Variants in DENND4C observed in about 807,000 individuals in gnomAD.
DENND4C encodes DENN domain containing 4C.
Under a neutral mutation model 203.0 loss-of-function variants are expected in DENND4C, and 108 were observed. The ratio of observed to expected loss-of-function variants is 0.53; its 90% CI spans 0.46 to 0.62. The LOEUF is 0.62. Ranked by LOEUF, DENND4C falls within the 20% of genes least tolerant of loss-of-function variation. The pLI, the probability that DENND4C is intolerant of heterozygous loss-of-function variation, is 0.00. For synonymous variants in DENND4C, 871 were observed against 792.4 expected (o/e 1.10, Z -1.67); for missense variants, 2,481 against 2,301.2 (o/e 1.08, Z -1.60).
In DENND4C at chr9:19,230,740, G is replaced by C. The variant is rs924659769; in HGVS notation, c.-111G>C. 26 of 152,300 alleles carry C rather than the reference G, an allele frequency of 1.7e-4. No individual in the cohort carries two copies. Among genetic ancestry groups the C allele is most frequent in the African/African-American group, 5.8e-4 (24 of 41,450 alleles). 9.4% of individuals were successfully genotyped at this position (152,300 alleles called of 1,614,324 possible). A position where few individuals can be genotyped will look rare whatever the true frequency, so the allele number is the denominator to read the frequency against. ...GCCGCTGGAGCTAGTCCCCCGCCCT[G>C]CCCTGCCGAGCGCGCCCAGTCCGCG... On this transcript the variant is annotated 5_prime_UTR_variant, in exon 1 of 33. Coordinates refer to ENST00000434457, the MANE Select transcript of DENND4C (RefSeq NM_001330640.2).
At chr9:19,270,156 G>A (rs905755210) in intron 1 of DENND4C, among the ~76,000 whole-genome samples, 13 of 152,154 alleles carry the variant, frequency 8.5e-5, no homozygotes, top group African/African-American at 3.1e-4. Flanking sequence ...GAGTTGAGGG[G>A]AGGAGTGACA....
intron 1 of DENND4C, among the ~76,000 whole-genome samples, chr9:19,254,641 T>C (rs1479131198): frequency 1.3e-5 from 2 of 152,130 alleles, no homozygotes; most frequent in African/African-American, 4.8e-5. Context: ...CTATAGTTGA[T>C]TATACTGTAT....
At position 19,350,824 on chromosome 9, in the gene DENND4C, A is replaced by G. The variant is rs752118932; in HGVS notation, c.4440A>G (p.Thr1480=). The G allele has an allele frequency of 6.2e-7, 1 of 1,614,134 alleles. No individual in the cohort carries two copies. The highest frequency in any genetic ancestry group is 8.5e-7 in the Non-Finnish European group (1 of 1,180,020). ...CCAGTGAACTTACCCAGAGCAACAC[A>G]AGTCTTGGCAGTAGCAGCAGTAGTG... is the stretch of plus-strand genomic sequence containing the variant. The part of the protein sequence containing the change: ...LVPSELTQSN[T]SLGSSSSSGD... Residue 1480 remains threonine, a synonymous_variant, in exon 24 of 33, where the codon ACA becomes ACG. Coordinates refer to ENST00000434457, the MANE Select transcript of DENND4C (RefSeq NM_001330640.2).
chr9:19,268,390 G>A lies in DENND4C; in HGVS notation c.-17-7768G>A, dbSNP rs561887640. On this transcript the variant is annotated intron_variant, in intron 1 of 32. Transcript: ENST00000434457. ...TCTGGGAATACAGGCGTGAGCCACCGCACCTGGTTGTAGTTATTATTTTTG... is the reference window on the plus strand; with the variant it reads ...TCTGGGAATACAGGCGTGAGCCACCACACCTGGTTGTAGTTATTATTTTTG... Among the ~76,000 whole-genome samples, 12 of 152,210 alleles carry A rather than the reference G, an allele frequency of 7.9e-5. No homozygotes were observed. In the East Asian group the frequency reaches 2.1e-3, roughly 27 times the overall value.
At chr9:19,350,342 A>G (rs1588969543) in intron 23 of DENND4C, among the ~76,000 whole-genome samples, 3 of 152,240 alleles carry the variant, frequency 2.0e-5, no homozygotes, top group Non-Finnish European at 2.9e-5. Flanking sequence ...CAAGGTCACA[A>G]TCTGGCTGTC....
At chr9:19,286,563 G>A (rs559605213) in intron 2 of DENND4C, among the ~76,000 whole-genome samples, 4 of 152,184 alleles carry the variant, frequency 2.6e-5, no homozygotes, top group African/African-American at 7.2e-5. Flanking sequence ...TTGAAAAATA[G>A]TTTAGAGACT....
At chr9:19,336,205 A>G (rs557264036) in intron 18 of DENND4C, 65 bp from the exon 19 acceptor site, 79 of 1,434,344 alleles carry the variant, frequency 5.5e-5, no homozygotes, top group African/African-American at 3.4e-4. Context: ...ACACACATAT[A>G]TGTATGTATT....
chr9:19,319,379 T>TATATATATACATATATATACACAC (rs1366607176), intron 12 of DENND4C, among the ~76,000 whole-genome samples: 1 of 105,834 alleles, frequency 9.4e-6, no homozygotes, highest in African/African-American at 4.4e-5. Flanking sequence ...TATATACACA[T>TATATATATACATATATATACACAC]ACATATATAT....
intron 20 of DENND4C, among the ~76,000 whole-genome samples, chr9:19,340,650 T>G (rs775615019): frequency 6.6e-6 from 1 of 152,218 alleles, no homozygotes; most frequent in Non-Finnish European, 1.5e-5. Context: ...TTTGCAAAAG[T>G]AAGCAGATAT....
At chr9:19,344,891 GT>G (rs1563824699) in intron 22 of DENND4C, among the ~76,000 whole-genome samples, 1 of 152,186 alleles carries the variant, frequency 6.6e-6, no homozygotes, top group African/African-American at 2.4e-5. Context: ...TGTTAGCATG[GT>G]GAGTTCTGCA....
chr9:19,322,749 A>T (rs1333582679), intron 12 of DENND4C, among the ~76,000 whole-genome samples: 2 of 151,750 alleles, frequency 1.3e-5, no homozygotes, highest in African/African-American at 4.8e-5. Flanking sequence ...AAAAAAAAAA[A>T]AATAAGGGGG....
At chr9:19,280,232 C>G (rs1360879777) in intron 2 of DENND4C, among the ~76,000 whole-genome samples, 5 of 152,010 alleles carry the variant, frequency 3.3e-5, no homozygotes, top group Admixed American at 6.6e-5. Flanking sequence ...TCACTGCAAC[C>G]TCCACCTCGG....
chr9:19,346,852 G>A lies in DENND4C; in HGVS notation c.4083G>A (p.Gln1361=), dbSNP rs1323303425. The change falls in exon 23 of 33, where the codon CAG becomes CAA. Residue 1361 remains glutamine, a synonymous_variant. Coordinates refer to ENST00000434457, the MANE Select transcript of DENND4C (RefSeq NM_001330640.2). ...RSKTFTGRFK[Q]QTPSRTHKER... is the part of the protein sequence containing the mutation. ...AAACTTTTACTGGGCGTTTCAAGCA[G>A]CAAACCCCCTCTCGAACTCATAAAG... 1 of 1,614,202 alleles carries A rather than the reference G, an allele frequency of 6.2e-7. No homozygotes were observed. The highest frequency in any genetic ancestry group is 2.2e-5 in the East Asian group (1 of 44,890).
chr9:19,365,786 A>C (rs1827538728), intron 30 of DENND4C, among the ~76,000 whole-genome samples: 1 of 151,878 alleles, frequency 6.6e-6, no homozygotes, highest in South Asian at 2.1e-4. Flanking sequence ...TCTTTGAACA[A>C]ATAATTCAAA....
intron 12 of DENND4C, among the ~76,000 whole-genome samples, chr9:19,323,842 G>A (rs1843290145): frequency 6.6e-6 from 1 of 152,110 alleles, no homozygotes; most frequent in South Asian, 2.1e-4. Context: ...AGTATTTTTC[G>A]TGGTTTAATT....
At chr9:19,273,593 A>G (rs1250024072) in intron 1 of DENND4C, among the ~76,000 whole-genome samples, 1 of 151,982 alleles carries the variant, frequency 6.6e-6, no homozygotes. Context: ...TGAGAAAACA[A>G]CTCAGTTAAA....
intron 10 of DENND4C, among the ~76,000 whole-genome samples, chr9:19,306,163 T>TA (rs963371331): frequency 3.5e-4 from 54 of 152,190 alleles, no homozygotes; most frequent in Non-Finnish European, 6.8e-4. Flanking sequence ...GAAAGGACAG[T>TA]AAGTATTAAA....
chr9:19,242,666 T>C (rs1238096601), intron 1 of DENND4C, among the ~76,000 whole-genome samples: 2 of 152,014 alleles, frequency 1.3e-5, no homozygotes, highest in African/African-American at 4.8e-5. Flanking sequence ...TTTTTTTTTT[T>C]TGTTTTTGAG....
chr9:19,368,603 G>T (rs1279552481), intron 30 of DENND4C, among the ~76,000 whole-genome samples: 1 of 152,002 alleles, frequency 6.6e-6, no homozygotes, highest in Non-Finnish European at 1.5e-5. Context: ...TTGAGACTAG[G>T]CTGGGCAACA....
Sources: gnomAD v4.1 joint callset for allele counts (sites outside exome capture counted in the v4.1 genomes callset) on GRCh38, gnomAD v4.1.1 for gene constraint, MANE v1.5 for transcripts, NCBI Gene and HGNC (gene_info 2026-07-23, HGNC 2026-07-21) for gene names.